Variants in TLE4 observed in about 807,000 individuals in gnomAD.
TLE4 encodes the protein transducin-like enhancer protein 4.
A neutral mutation model predicts 92.8 loss-of-function variants in TLE4; 8 were observed. That is an observed-to-expected ratio of 0.09 (90% CI 0.05 to 0.16). TLE4 has a LOEUF of 0.16. Among genes scored for constraint, TLE4 ranks in the 10% least tolerant of loss-of-function variants. The pLI, the probability that TLE4 is intolerant of heterozygous loss-of-function variation, is 1.00. For missense variants in TLE4, 675 were observed against 997.6 expected, an observed-to-expected ratio of 0.68 and a Z score of 4.36; for synonymous variants, 371 against 374.1, an observed-to-expected ratio of 0.99 and a Z score of 0.10.
intron 4 of TLE4, among the ~76,000 whole-genome samples, chr9:79,608,807 C>T (rs370063644): frequency 3.3e-5 from 5 of 151,918 alleles, no homozygotes; most frequent in East Asian, 3.9e-4. Context: ...TTGATATATC[C>T]GTTTGATTAC....
intron 5 of TLE4, among the ~76,000 whole-genome samples, chr9:79,617,912 A>T (rs566861536): frequency 6.6e-6 from 1 of 151,496 alleles, no homozygotes; most frequent in South Asian, 2.1e-4. Flanking sequence ...TAATTTGGTG[A>T]CTCCATGATG....
intron 5 of TLE4, among the ~76,000 whole-genome samples, chr9:79,614,669 C>A (rs2049098006): frequency 6.6e-6 from 1 of 152,160 alleles, no homozygotes; most frequent in African/African-American, 2.4e-5. Flanking sequence ...AAATCCTTGA[C>A]TCACGTATAA....
chr9:79,712,266 T>C (rs2073495652), intron 14 of TLE4, among the ~76,000 whole-genome samples: 1 of 152,160 alleles, frequency 6.6e-6, no homozygotes, highest in South Asian at 2.1e-4. Context: ...CCCAAGAAGA[T>C]GGGTCATTGG....
chr9:79,717,869 T>A, intron 14 of TLE4: 1 of 413,954 alleles, frequency 2.4e-6, no homozygotes, highest in Non-Finnish European at 4.9e-6. Flanking sequence ...TGCCTGCCAC[T>A]GGCGTCTTCT....
At chr9:79,574,797 AT>A in intron 2 of TLE4, 75 bp from the exon 3 acceptor site, 1 of 1,248,264 alleles carries the variant, frequency 8.0e-7, no homozygotes, top group Non-Finnish European at 1.2e-6. Context: ...TGTAGGTGAG[AT>A]TTAGAATATG....
Position 79,612,761 on chromosome 9 carries a change from T to G in TLE4, c.315+43T>G, listed in dbSNP as rs774348479. ...AGGCACTGGACTAGAAGTTGCCATT[T>G]TAGTGGTTTTGCAGAAAAGGGATTG... is the stretch of plus-strand genomic sequence containing the variant. On this transcript the variant is annotated intron_variant, in intron 5 of 19. Coordinates refer to ENST00000376552, the MANE Select transcript of TLE4 (RefSeq NM_007005.6). The G allele has an allele frequency of 1.9e-6, 3 of 1,568,612 alleles. No individual in the cohort carries two copies. In the African/African-American group the frequency reaches 4.1e-5, roughly 21 times the overall value.
At position 79,576,190 on chromosome 9, in the gene TLE4, T is replaced by C; in HGVS notation, c.252+13T>C. 1 of 1,519,290 alleles carries C rather than the reference T, an allele frequency of 6.6e-7. No homozygotes were observed. The highest frequency in any genetic ancestry group is 8.9e-7 in the Non-Finnish European group (1 of 1,119,870). The allele number at this position is 1,519,290 out of a possible 1,614,324, so 94.1% of individuals were successfully genotyped here. ...AATGCACAAGCAGGTAAGTTATTTC[T>C]TTATAACCATTTTAAATGACAGTAA... is the stretch of plus-strand genomic sequence containing the variant. On this transcript the variant is annotated intron_variant, in intron 4 of 19. Coordinates refer to ENST00000376552, the MANE Select transcript of TLE4 (RefSeq NM_007005.6).
At position 79,706,748 on chromosome 9, in the gene TLE4, A is replaced by T; in HGVS notation, c.785A>T (p.Asp262Val). 1 of 1,613,150 alleles carries T rather than the reference A, an allele frequency of 6.2e-7. No homozygotes were observed. The highest frequency in any genetic ancestry group is 1.1e-5 in the South Asian group (1 of 90,950). The change falls in exon 11 of 20, where the codon GAT (aspartate) becomes GTT (valine). Residue 262 changes from aspartate (D) to valine (V), a missense_variant and splice_region_variant. Around this residue, in one of 5 missense-constraint regions of TLE4, gnomAD observed 280 missense variants for 287.3 expected, o/e 0.97. Transcript: ENST00000376552. ...DNLVVDVSNE[D>V]PSSPRGSPAH... ...ACTGTCCACGATGTTCCTTTGTAGG[A>T]TCCATCTTCCCCTCGAGGGAGCCCA...
At chr9:79,625,272 G>T (rs1314019227) in intron 5 of TLE4, among the ~76,000 whole-genome samples, 1 of 151,836 alleles carries the variant, frequency 6.6e-6, no homozygotes, top group Non-Finnish European at 1.5e-5. Context: ...GCCCGCCTCG[G>T]CCTCCCAAAG....
At chr9:79,598,256 A>C (rs2044595996) in intron 4 of TLE4, among the ~76,000 whole-genome samples, 1 of 151,422 alleles carries the variant, frequency 6.6e-6, no homozygotes, top group South Asian at 2.1e-4. Context: ...CTCAAAAAAA[A>C]AAAAAAGAAA....
At chr9:79,631,566 C>T (rs1230484576) in intron 6 of TLE4, among the ~76,000 whole-genome samples, 2 of 149,118 alleles carry the variant, frequency 1.3e-5, no homozygotes, top group African/African-American at 2.5e-5. Flanking sequence ...CTTTGCGGTC[C>T]CCCCCTTAGT....
intron 6 of TLE4, among the ~76,000 whole-genome samples, chr9:79,630,300 G>A (rs1280841683): frequency 6.6e-6 from 1 of 152,150 alleles, no homozygotes; most frequent in Non-Finnish European, 1.5e-5. Context: ...AGAGGCGGCT[G>A]TTCTCTTGAC....
At chr9:79,718,112 A>G in intron 14 of TLE4, 2 of 456,248 alleles carry the variant, frequency 4.4e-6, no homozygotes, top group Non-Finnish European at 8.8e-6. Flanking sequence ...TTAGGTTCTC[A>G]TTCCATTTGG....
At chr9:79,594,957 A>T (rs1479379901) in intron 4 of TLE4, among the ~76,000 whole-genome samples, 1 of 152,196 alleles carries the variant, frequency 6.6e-6, no homozygotes. Context: ...TGTTTTTAGA[A>T]ATAAGAAAAT....
chr9:79,635,229 T>C (rs1358410829), intron 6 of TLE4, among the ~76,000 whole-genome samples: 2 of 152,198 alleles, frequency 1.3e-5, no homozygotes, highest in Non-Finnish European at 2.9e-5. Flanking sequence ...CAATTAATGA[T>C]GTTAAGTGTC....
chr9:79,679,417 T>C (rs2063970060), intron 8 of TLE4, among the ~76,000 whole-genome samples: 1 of 152,246 alleles, frequency 6.6e-6, no homozygotes, highest in Admixed American at 6.5e-5. Flanking sequence ...ATAAATGTCT[T>C]CTTTTGAGAA....
At chr9:79,594,618 G>A (rs111531976) in intron 4 of TLE4, among the ~76,000 whole-genome samples, 1 of 151,994 alleles carries the variant, frequency 6.6e-6, no homozygotes, top group Non-Finnish European at 1.5e-5. Flanking sequence ...GCTGGTGGCT[G>A]GTGGGTTGTT....
At chr9:79,602,017 G>A (rs955282775) in intron 4 of TLE4, among the ~76,000 whole-genome samples, 2 of 152,166 alleles carry the variant, frequency 1.3e-5, no homozygotes, top group Non-Finnish European at 2.9e-5. Context: ...CTGGATAGAA[G>A]CTCAAACCAG....
At chr9:79,573,593 C>A in intron 1 of TLE4, 96 bp from the exon 2 acceptor site, 1 of 1,043,992 alleles carries the variant, frequency 9.6e-7, no homozygotes, top group Non-Finnish European at 1.4e-6. Flanking sequence ...TGCGCGATGA[C>A]CCTCACCCCC....
Sources: allele counts gnomAD v4.1 joint callset (sites outside exome capture counted in the v4.1 genomes callset), GRCh38; gene constraint gnomAD v4.1.1; regional missense constraint gnomAD v4.1.1; transcripts MANE v1.5; gene names NCBI Gene and HGNC (gene_info 2026-07-23, HGNC 2026-07-21).